The following DTL variants were observed in gnomAD, a reference collection of about 807,000 sequenced individuals.
DTL encodes denticleless protein homolog.
Under a neutral mutation model 87.0 loss-of-function variants are expected in DTL, and 46 were observed. That is an observed-to-expected ratio of 0.53 (90% confidence interval 0.42 to 0.68). The LOEUF (loss-of-function observed/expected upper bound fraction) is 0.68, where lower values mean the gene tolerates loss of function less well. Among genes scored for constraint, DTL ranks in the 30% least tolerant of loss-of-function variants. DTL has a pLI of 0.00. For synonymous variants in DTL, 308 were observed against 311.2 expected (o/e 0.99, Z 0.11); for missense variants, 737 against 869.4 (o/e 0.85, Z 1.91).
At chr1:212,039,866 G>A (rs527242372) in intron 1 of DTL, among the ~76,000 whole-genome samples, 7 of 152,272 alleles carry the variant, frequency 4.6e-5, no homozygotes, top group African/African-American at 1.7e-4. Context: ...ACTATGAATG[G>A]GAGCTTGCAG....
Sources: allele counts gnomAD v4.1 joint callset (sites outside exome capture counted in the v4.1 genomes callset), GRCh38; gene constraint gnomAD v4.1.1; transcripts MANE v1.5; gene names NCBI Gene and HGNC (gene_info 2026-07-23, HGNC 2026-07-21).